CCDC50: variants seen among roughly 807,000 people sequenced by gnomAD.
The protein encoded by CCDC50 is coiled-coil domain-containing protein 50.
In CCDC50, 54 loss-of-function variants were observed where a neutral mutation model predicts 70.2. The observed-to-expected ratio is 0.77, with a 90% confidence interval of 0.62 to 0.96. The LOEUF (loss-of-function observed/expected upper bound fraction) is 0.96, where lower values mean the gene tolerates loss of function less well. CCDC50 is among the 50% of genes least tolerant of loss of function. The probability of loss-of-function intolerance (pLI) is 0.00; values close to 1 mark genes in which losing one functional copy is unlikely to be tolerated. For missense variants in CCDC50, 558 were observed against 578.7 expected (o/e 0.96, Z 0.37); for synonymous variants, 216 against 198.8 (o/e 1.09, Z -0.73).
intron 5 of CCDC50, 122 bp from the exon 6 acceptor site, chr3:191,374,940 A>G (rs1713041640): frequency 6.8e-6 from 7 of 1,022,220 alleles, no homozygotes; most frequent in Non-Finnish European, 1.0e-5. Flanking sequence ...TTGAAAAAGC[A>G]ATTTTCTCCA....
chr3:191,345,969 A>C (rs1711907474), intron 1 of CCDC50, among the ~76,000 whole-genome samples: 1 of 152,190 alleles, frequency 6.6e-6, no homozygotes, highest in Non-Finnish European at 1.5e-5. Context: ...AACTGAATTT[A>C]CTTGTACAGT....
chr3:191,354,061 A>G (rs568518692), intron 1 of CCDC50, among the ~76,000 whole-genome samples: 2 of 152,320 alleles, frequency 1.3e-5, no homozygotes, highest in East Asian at 3.9e-4. Context: ...GTCAAACCAT[A>G]TCTTCATGTT....
chr3:191,381,325 T>A (rs775071436), intron 9 of CCDC50, among the ~76,000 whole-genome samples: 2 of 152,168 alleles, frequency 1.3e-5, no homozygotes, highest in Non-Finnish European at 2.9e-5. Flanking sequence ...TTATCTTTCA[T>A]CTCTATCATG....
intron 1 of CCDC50, among the ~76,000 whole-genome samples, chr3:191,338,209 A>T (rs2056333): frequency 0.093 from 14,121 of 152,278 alleles, 717 homozygotes; most frequent in East Asian, 0.25. Flanking sequence ...GGAGGAGTCC[A>T]TGATTGACTT....
At chr3:191,384,780 G>T (rs1447878273) in intron 10 of CCDC50, among the ~76,000 whole-genome samples, 1 of 152,072 alleles carries the variant, frequency 6.6e-6, no homozygotes, top group Non-Finnish European at 1.5e-5. Flanking sequence ...CCCAGATAGT[G>T]AACAGAGTAC....
intron 1 of CCDC50, among the ~76,000 whole-genome samples, chr3:191,353,101 A>T (rs1166940703): frequency 7.0e-6 from 1 of 142,192 alleles, no homozygotes; most frequent in East Asian, 1.9e-4. Context: ...TTCAGAGCAA[A>T]GTGCATTTCT....
chr3:191,384,732 G>A (rs1018254479), intron 10 of CCDC50, among the ~76,000 whole-genome samples: 1 of 151,780 alleles, frequency 6.6e-6, no homozygotes, highest in Non-Finnish European at 1.5e-5. Context: ...AGGGTATATT[G>A]TGTGGTACTG....
At chr3:191,353,203 T>A (rs1218177770) in intron 1 of CCDC50, among the ~76,000 whole-genome samples, 2 of 141,982 alleles carry the variant, frequency 1.4e-5, no homozygotes, top group Admixed American at 1.4e-4. Flanking sequence ...ACTGGGAAAA[T>A]GTCTGGGCAG....
intron 1 of CCDC50, among the ~76,000 whole-genome samples, chr3:191,346,080 G>T (rs1711911898): frequency 6.6e-6 from 1 of 152,014 alleles, no homozygotes; most frequent in African/African-American, 2.4e-5. Context: ...TCTTACATTG[G>T]TGTTCAGGAA....
chr3:191,377,460 G>A (rs374760027), intron 6 of CCDC50, among the ~76,000 whole-genome samples: 141 of 152,242 alleles, frequency 9.3e-4, no homozygotes, highest in African/African-American at 3.1e-3. Flanking sequence ...ACTTTCTACA[G>A]GGCAATGGGT....
chr3:191,345,287 G>A (rs1366743696), intron 1 of CCDC50, among the ~76,000 whole-genome samples: 1 of 152,198 alleles, frequency 6.6e-6, no homozygotes, highest in Admixed American at 6.5e-5. Context: ...CTTTAACACA[G>A]GAAGCTTATG....
At chr3:191,361,188 C>T in intron 4 of CCDC50, 29 bp downstream of exon 4, 3 of 1,521,718 alleles carry the variant, frequency 2.0e-6, no homozygotes, top group Non-Finnish European at 2.7e-6. Context: ...CCCTCTCCCT[C>T]ATGGAGAAAG....
rs1475279255 is a variant in CCDC50 at position 191,348,405 on chromosome 3, TA to T, written c.50-8680del. Among the ~76,000 whole-genome samples the T allele has an allele frequency of 1.4e-5, 2 of 142,580 alleles. 1 individual carries two copies. Among genetic ancestry groups the T allele is most frequent in the Non-Finnish European group, 3.2e-5 (2 of 63,150 alleles). The allele number at this position is 142,580 out of a possible 152,430, so 93.5% of individuals were successfully genotyped here. A position where few individuals can be genotyped will look rare whatever the true frequency, so the allele number is the denominator to read the frequency against. ...AATCTCTAAACAGATGAAATATTGG[TA>T]AATATTGCTTGGTTCCTTAGTCATC... is the stretch of plus-strand genomic sequence containing the variant. On this transcript the variant is annotated intron_variant, in intron 1 of 11. Transcript: ENST00000392455.
intron 1 of CCDC50, among the ~76,000 whole-genome samples, chr3:191,340,533 C>T (rs1711685665): frequency 6.6e-6 from 1 of 152,192 alleles, no homozygotes; most frequent in Non-Finnish European, 1.5e-5. Context: ...CAACAGTTTT[C>T]CTTCATACCC....
intron 10 of CCDC50, among the ~76,000 whole-genome samples, chr3:191,388,764 A>AT (rs1174769940): frequency 6.6e-6 from 1 of 152,202 alleles, no homozygotes; most frequent in East Asian, 1.9e-4. Flanking sequence ...TCTTTGATAT[A>AT]TTGATAAATT....
At chr3:191,362,575 A>G (rs1021284001) in intron 4 of CCDC50, among the ~76,000 whole-genome samples, 9 of 152,256 alleles carry the variant, frequency 5.9e-5, no homozygotes, top group African/African-American at 2.2e-4. Flanking sequence ...GGATAACAAT[A>G]TGGTTTGTTA....
intron 1 of CCDC50, 103 bp from the exon 2 acceptor site, chr3:191,356,985 T>C: frequency 1.1e-5 from 8 of 761,530 alleles, no homozygotes; most frequent in South Asian, 8.8e-5. Flanking sequence ...TTCTGAAATA[T>C]TAGAATTGAT....
chr3:191,331,153 G>C (rs1003084382), intron 1 of CCDC50, among the ~76,000 whole-genome samples: 1 of 152,120 alleles, frequency 6.6e-6, no homozygotes, highest in African/African-American at 2.4e-5. Context: ...GGTATGTGTT[G>C]GGTTTGTCTC....
chr3:191,369,898 A>C, intron 4 of CCDC50, 21 bp from the exon 5 acceptor site: 1 of 1,553,800 alleles, frequency 6.4e-7, no homozygotes, highest in Non-Finnish European at 8.9e-7. Context: ...GTGTATTTCC[A>C]TTCTCCTCTT....
Sources: allele counts gnomAD v4.1 joint callset (sites outside exome capture counted in the v4.1 genomes callset), GRCh38; gene constraint gnomAD v4.1.1; transcripts MANE v1.5; gene names NCBI Gene and HGNC (gene_info 2026-07-23, HGNC 2026-07-21).